The following COL1A1 variants were observed in gnomAD, a reference collection of about 807,000 sequenced individuals.
COL1A1 encodes collagen alpha-1(I) chain.
A neutral mutation model predicts 195.7 loss-of-function variants in COL1A1; 21 were observed. That is an observed-to-expected ratio of 0.11 (90% confidence interval 0.08 to 0.15). The LOEUF is 0.15. Among genes scored for constraint, COL1A1 ranks in the 10% least tolerant of loss-of-function variants. COL1A1 has a pLI of 1.00. For synonymous variants in COL1A1, 749 were observed against 747.3 expected, an observed-to-expected ratio of 1.00 and a Z score of -0.04; for missense variants, 1,365 against 2,051.0, an observed-to-expected ratio of 0.67 and a Z score of 6.46.
In COL1A1 at chr17:50,192,688, G is replaced by A. The variant is rs550265501; in HGVS notation, c.1881C>T (p.Pro627=). The change falls in exon 28 of 51, where the codon CCC becomes CCT. Residue 627 remains proline (P), a synonymous_variant. Coordinates refer to ENST00000225964, the MANE Select transcript of COL1A1 (RefSeq NM_000088.4). ...GGCCTTGTTCACCTCTCTCGCCAGCGGGACCCTGCACAGAGAGAACACTAC... is the reference window on the plus strand; with the variant it reads ...GGCCTTGTTCACCTCTCTCGCCAGCAGGACCCTGCACAGAGAGAACACTAC... ...GAQGPPGPAG[P]AGERGEQGPA... is the part of the protein sequence containing the mutation. 36 of 1,614,152 alleles carry A rather than the reference G, an allele frequency of 2.2e-5. No homozygotes were observed. Among genetic ancestry groups the A allele is most frequent in the South Asian group, 3.3e-5 (3 of 91,086 alleles).
chr17:50,185,670 G>A (rs369077144), intron 50 of COL1A1, 22 bp from the exon 51 acceptor site: 9 of 1,612,844 alleles, frequency 5.6e-6, no homozygotes, highest in East Asian at 2.2e-5. Context: ...CGGAGACAAC[G>A]GGAGGGGGCA....
intron 1 of COL1A1, 42 bp from the exon 2 acceptor site, chr17:50,199,989 AC>A (rs750918381): frequency 1.3e-6 from 2 of 1,598,732 alleles, no homozygotes; most frequent in South Asian, 1.1e-5. Flanking sequence ...AGTGACTGCA[AC>A]CCCCAGCTTA....
chr17:50,188,642 C>G lies in COL1A1; in HGVS notation c.3100-5G>C. ...GCCGGTCTCACCACGGTCACCCTGG[C>G]GGGGAGAGCAGGGGAATATGGGTCA... On this transcript the variant is annotated splice_region_variant and splice_polypyrimidine_tract_variant and intron_variant, in intron 42 of 50. Coordinates refer to ENST00000225964, the MANE Select transcript of COL1A1 (RefSeq NM_000088.4). This position sits in a 1 kb window ranked among gnomAD's most constrained non-coding sequence, Gnocchi z 5.6. 1 of 1,613,180 alleles carries G rather than the reference C, an allele frequency of 6.2e-7. No homozygotes were observed. The highest frequency in any genetic ancestry group is 8.5e-7 in the Non-Finnish European group (1 of 1,179,650).
In COL1A1 at chr17:50,187,467, G is replaced by T. The variant is rs777014027; in HGVS notation, c.3423+17C>A. ...GGGCTTGGGGCTCAGGAAGAGGAGA[G>T]AGAAGGCATGACTTACTCGGGGACC... On this transcript the variant is annotated intron_variant, in intron 46 of 50. Transcript: ENST00000225964. 2 of 1,613,928 alleles carry T rather than the reference G, an allele frequency of 1.2e-6. No homozygotes were observed. Among genetic ancestry groups the T allele is most frequent in the Non-Finnish European group, 1.7e-6 (2 of 1,179,880 alleles).
Position 50,188,661 on chromosome 17 carries a change from T to C in COL1A1, c.3100-24A>G, listed in dbSNP as rs41316693. The C allele has an allele frequency of 2.8e-4, 452 of 1,612,312 alleles. 6 individuals are homozygous for C. In the East Asian group the frequency reaches 8.6e-3, roughly 31 times the overall value. On this transcript the variant is annotated intron_variant, in intron 42 of 50. Coordinates refer to ENST00000225964, the MANE Select transcript of COL1A1 (RefSeq NM_000088.4). This position sits in a 1 kb window ranked among gnomAD's most constrained non-coding sequence, Gnocchi z 5.6. ...CCCTGGCGGGGAGAGCAGGGGAATA[T>C]GGGTCAGCCCCGGGTGAAGGGCCAG... is the stretch of plus-strand genomic sequence containing the variant.
Position 50,191,370 on chromosome 17 carries a change from A to G in COL1A1, c.2235+13T>C. ...CCATGTAGGGCTCAGGGGAGGGGGAAGGTTGAACTTACTCTGTCACCCTTA... is the reference window on the plus strand; with the variant it reads ...CCATGTAGGGCTCAGGGGAGGGGGAGGGTTGAACTTACTCTGTCACCCTTA... On this transcript the variant is annotated intron_variant, in intron 32 of 50. Transcript: ENST00000225964. 1 of 1,609,434 alleles carries G rather than the reference A, an allele frequency of 6.2e-7. No homozygotes were observed. Among genetic ancestry groups the G allele is most frequent in the Middle Eastern group, 1.7e-4 (1 of 6,054 alleles).
chr17:50,188,962 G>A lies in COL1A1; in HGVS notation c.2986C>T (p.Pro996Ser), dbSNP rs765775476. 8 of 1,613,756 alleles carry A rather than the reference G, an allele frequency of 5.0e-6. No individual in the cohort carries two copies. The South Asian group carries it at 5.5e-5, about 11-fold the overall frequency. The change falls in exon 41 of 51, where the codon CCC becomes TCC. Residue 996 changes from proline to serine, a missense_variant. By Grantham distance (74) the Pro-to-Ser change is moderately conservative. Coordinates refer to ENST00000225964, the MANE Select transcript of COL1A1 (RefSeq NM_000088.4). The surrounding 1 kb of genome is among the most constrained non-coding windows in gnomAD (Gnocchi z 5.6). ...CCAGGGGGGCCCATGGGACCAGGGG[G>A]ACCACGTTCACCACTTGCTCCAGAG... ...GPSGASGERG[P>S]PGPMGPPGLA...
chr17:50,199,990 C>T, intron 1 of COL1A1, 43 bp from the exon 2 acceptor site: 1 of 1,596,402 alleles, frequency 6.3e-7, no homozygotes, highest in Non-Finnish European at 8.6e-7. Context: ...GTGACTGCAA[C>T]CCCCAGCTTA....
chr17:50,189,317 A>G lies in COL1A1; in HGVS notation c.2830-42T>C, dbSNP rs1906857725. On this transcript the variant is annotated intron_variant, in intron 39 of 50. Transcript: ENST00000225964. The surrounding 1 kb of genome is among the most constrained non-coding windows in gnomAD (Gnocchi z 5.5). ...GGGGTGAGGTGCCAGAGAGCAGCAC[A>G]GGGACCCCTCCCCAGCTCTGCACAC... 6.2e-6 allele frequency: 10 copies of G among 1,613,664 alleles called. No homozygotes were observed. Among genetic ancestry groups the G allele is most frequent in the Non-Finnish European group, 7.6e-6 (9 of 1,179,812 alleles).
At chr17:50,199,090 G>T in intron 5 of COL1A1, 136 bp downstream of exon 5, 1 of 979,340 alleles carries the variant, frequency 1.0e-6, no homozygotes, top group Non-Finnish European at 1.5e-6. Flanking sequence ...ACTGTGAAGG[G>T]TATGTGAGAG....
rs543172732 is a variant in COL1A1 at position 50,185,107 on chromosome 17, G to T, written c.*395C>A. ...GGGGAGACAGATTTGGGAAGGAGTG[G>T]AGGGGAGGCCCCAAGGGGGGTGTGG... is the stretch of plus-strand genomic sequence containing the variant. On this transcript the variant is annotated 3_prime_UTR_variant, in exon 51 of 51. Coordinates refer to ENST00000225964, the MANE Select transcript of COL1A1 (RefSeq NM_000088.4). The T allele has an allele frequency of 2.4e-5, 7 of 288,314 alleles. No homozygotes were observed. The South Asian group carries it at 4.7e-4, about 19-fold the overall frequency. 17.9% of individuals were successfully genotyped at this position (288,314 alleles called of 1,614,324 possible).
Position 50,199,829 on chromosome 17 carries a change from G to C in COL1A1, c.222C>G (p.Ile74Met). The change falls in exon 2 of 51, where the codon ATC becomes ATG. Residue 74 changes from isoleucine to methionine, a missense_variant. By Grantham distance (10) the Ile-to-Met change is conservative (BLOSUM62 1). Around this residue, in one of 5 missense-constraint regions of COL1A1, gnomAD observed 194 missense variants for 221.7 expected, o/e 0.88. Coordinates refer to ENST00000225964, the MANE Select transcript of COL1A1 (RefSeq NM_000088.4). ...DNGKVLCDDV[I>M]CDETKNCPGA... ...CGGGGCAGTTCTTGGTCTCGTCACA[G>C]ATCACGTCATCGCACAACACCTTGC... The C allele has an allele frequency of 1.2e-6, 2 of 1,614,156 alleles. No homozygotes were observed. The highest frequency in any genetic ancestry group is 1.7e-6 in the Non-Finnish European group (2 of 1,180,022).
At position 50,186,617 on chromosome 17, in the gene COL1A1, G is replaced by C; in HGVS notation, c.3814+23C>G. 1 of 1,613,410 alleles carries C rather than the reference G, an allele frequency of 6.2e-7. No individual in the cohort carries two copies. The highest frequency in any genetic ancestry group is 8.5e-7 in the Non-Finnish European group (1 of 1,180,008). On this transcript the variant is annotated intron_variant, in intron 48 of 50. Coordinates refer to ENST00000225964, the MANE Select transcript of COL1A1 (RefSeq NM_000088.4). This position sits in a 1 kb window ranked among gnomAD's most constrained non-coding sequence, Gnocchi z 5.3. The stretch of plus-strand genomic sequence containing the variant: ...TGGCATGGCAGGAGTAGGAGGGAGG[G>C]AGAGGCTAGGGCAGGCCCTCACCAC...
chr17:50,190,305 T>C lies in COL1A1; in HGVS notation c.2451+22A>G, dbSNP rs1162628222. On this transcript the variant is annotated intron_variant, in intron 35 of 50. Transcript: ENST00000225964. This position sits in a 1 kb window ranked among gnomAD's most constrained non-coding sequence, Gnocchi z 4.7. ...CCAGGTCCCAGTCGGTGATGAAAAA[T>C]GATGGGGGTCTTGGTACTCACAGGG... 1 of 1,531,466 alleles carries C rather than the reference T, an allele frequency of 6.5e-7. No individual in the cohort carries two copies. The highest frequency in any genetic ancestry group is 9.0e-7 in the Non-Finnish European group (1 of 1,111,276). The allele number at this position is 1,531,466 out of a possible 1,614,324, so 94.9% of individuals were successfully genotyped here.
At position 50,190,499 on chromosome 17, in the gene COL1A1, G is replaced by A; in HGVS notation, c.2397+44C>T. 2 of 1,611,686 alleles carry A rather than the reference G, an allele frequency of 1.2e-6. No homozygotes were observed. The highest frequency in any genetic ancestry group is 1.7e-6 in the Non-Finnish European group (2 of 1,177,990). On this transcript the variant is annotated intron_variant, in intron 34 of 50. Coordinates refer to ENST00000225964, the MANE Select transcript of COL1A1 (RefSeq NM_000088.4). This position sits in a 1 kb window ranked among gnomAD's most constrained non-coding sequence, Gnocchi z 4.7. ...GGGCCAGGGGTGCTGTGTGAAGGGA[G>A]GGAAGGGCCAAGTATGGGGTCTTAA...
At chr17:50,193,865 G>A (rs1161589201) in intron 25 of COL1A1, 78 bp downstream of exon 25, 3 of 1,313,688 alleles carry the variant, frequency 2.3e-6, no homozygotes, top group Non-Finnish European at 3.3e-6. Context: ...CGGCACAGCT[G>A]AGCCCAGAGC....
In COL1A1 at chr17:50,185,762, G is replaced by T. The variant is rs1054799985; in HGVS notation, c.4248+16C>A. On this transcript the variant is annotated intron_variant, in intron 50 of 50. Transcript: ENST00000225964. The stretch of plus-strand genomic sequence containing the variant: ...CCGGAGAGGTGGGGCCCTGCCTGGG[G>T]ATTCTGGGCACTCACCGTGCAGCCA... 3 of 1,613,032 alleles carry T rather than the reference G, an allele frequency of 1.9e-6. No individual in the cohort carries two copies. Among genetic ancestry groups the T allele is most frequent in the Non-Finnish European group, 2.5e-6 (3 of 1,179,924 alleles).
At position 50,195,635 on chromosome 17, in the gene COL1A1, A is replaced by G. The variant is rs1207868159; in HGVS notation, c.1087T>C (p.Ser363Pro). 1.9e-6 allele frequency: 3 copies of G among 1,613,182 alleles called. No individual in the cohort carries two copies. Among genetic ancestry groups the G allele is most frequent in the Non-Finnish European group, 2.5e-6 (3 of 1,179,748 alleles). ...CCACGCACACCCTGGGGACCTTCAG[A>G]GCCTCGGGGCCCTTGGGGACCAGCT... ...GEAGPQGPRG[S>P]EGPQGVRGEP... The change falls in exon 17 of 51, where the codon TCT (serine) becomes CCT (proline). Residue 363 changes from serine to proline, a missense_variant. Physicochemically the swap from Ser to Pro is moderately conservative, Grantham distance 74. This residue lies in a region of COL1A1 where 226 missense variants were observed against 372.9 expected (regional missense o/e 0.61). Transcript: ENST00000225964. The surrounding 1 kb of genome is among the most constrained non-coding windows in gnomAD (Gnocchi z 4.3).
chr17:50,185,686 A>C (rs1381481093), intron 50 of COL1A1, 38 bp from the exon 51 acceptor site: 2 of 1,612,402 alleles, frequency 1.2e-6, no homozygotes, highest in South Asian at 2.2e-5. Context: ...GGGCATTACC[A>C]CGTGGGAGTG....
Sources: gnomAD v4.1 joint callset for allele counts on GRCh38, gnomAD v4.1.1 for gene constraint, gnomAD v4.1.1 regional missense constraint, Gnocchi (gnomAD v3.1) non-coding constraint, MANE v1.5 for transcripts, NCBI Gene and HGNC (gene_info 2026-07-23, HGNC 2026-07-21) for gene names.